Variants in IFT43 observed in about 807,000 individuals in gnomAD.
IFT43 encodes intraflagellar transport protein 43 homolog.
In IFT43, 33 loss-of-function variants were observed where a neutral mutation model predicts 32.3. That is an observed-to-expected ratio of 1.02 (90% confidence interval 0.77 to 1.37). The LOEUF (loss-of-function observed/expected upper bound fraction) is 1.37, where lower values mean the gene tolerates loss of function less well. IFT43 is among the 40% of genes most tolerant of loss of function. The probability of loss-of-function intolerance (pLI) is 0.00; values close to 1 mark genes in which losing one functional copy is unlikely to be tolerated. For synonymous variants in IFT43, 93 were observed against 98.2 expected, an observed-to-expected ratio of 0.95 and a Z score of 0.31; for missense variants, 274 against 265.9, an observed-to-expected ratio of 1.03 and a Z score of -0.21.
chr14:76,020,793 G>A (rs960826158), intron 2 of IFT43, among the ~76,000 whole-genome samples: 11 of 152,128 alleles, frequency 7.2e-5, no homozygotes, highest in African/African-American at 2.7e-4. Context: ...CCCAGGTGGT[G>A]TACATGGGTT....
chr14:76,014,070 TA>T, intron 2 of IFT43: 1 of 277,502 alleles, frequency 3.6e-6, no homozygotes, highest in Non-Finnish European at 7.4e-6. Context: ...AAGAGTACTC[TA>T]AGGACTGTAA....
In IFT43 at chr14:76,062,938, A is replaced by AAAAAAAAGAAAAAAG. The variant is rs1485146040; in HGVS notation, c.295+3568_295+3569insAAAAGAAAAAAGAAA. Among the ~76,000 whole-genome samples the AAAAAAAAGAAAAAAG allele has an allele frequency of 1.8e-3, 222 of 120,710 alleles. 1 individual carries two copies. Among genetic ancestry groups the AAAAAAAAGAAAAAAG allele is most frequent in the African/African-American group, 2.3e-3 (70 of 30,396 alleles). The allele number at this position is 120,710 out of a possible 152,430, so 79.2% of individuals were successfully genotyped here. A position where few individuals can be genotyped will look rare whatever the true frequency, so the allele number is the denominator to read the frequency against. ...ATCTCAAAAAAAAAAAAAAAAAAAA[A>AAAAAAAAGAAAAAAG]AAAGAAAATACATTAAGTCAAACCA... On this transcript the variant is annotated intron_variant, in intron 5 of 8. Coordinates refer to ENST00000314067, the MANE Select transcript of IFT43 (RefSeq NM_001102564.3).
chr14:76,073,321 T>C (rs1285905511), intron 5 of IFT43, among the ~76,000 whole-genome samples: 1 of 152,170 alleles, frequency 6.6e-6, no homozygotes, highest in African/African-American at 2.4e-5. Context: ...GACAGGCATG[T>C]TTGTGCATCT....
In IFT43 at chr14:76,082,722, C is replaced by T. The variant is rs370229407; in HGVS notation, c.444+30C>T. The T allele has an allele frequency of 1.9e-5, 29 of 1,489,798 alleles. No individual in the cohort carries two copies. In the African/African-American group the frequency reaches 2.3e-4, roughly 12 times the overall value. The allele number at this position is 1,489,798 out of a possible 1,614,324, so 92.3% of individuals were successfully genotyped here. A position where few individuals can be genotyped will look rare whatever the true frequency, so the allele number is the denominator to read the frequency against. ...GTGGAACAGCTTCTGCATAGAGAGG[C>T]GGGCTCCAAGCAATGGGCTTCAATC... On this transcript the variant is annotated intron_variant, in intron 7 of 8. Transcript: ENST00000314067.
chr14:76,008,299 A>G (rs1196273836), intron 2 of IFT43, among the ~76,000 whole-genome samples: 2 of 152,220 alleles, frequency 1.3e-5, no homozygotes, highest in Non-Finnish European at 2.9e-5. Flanking sequence ...ACACCTGGCC[A>G]CCAGAAACTT....
In IFT43 at chr14:76,022,348, C is replaced by A; in HGVS notation, c.169C>A (p.Arg57Ser). The A allele has an allele frequency of 6.2e-7, 1 of 1,613,540 alleles. No individual in the cohort carries two copies. Among genetic ancestry groups the A allele is most frequent in the Non-Finnish European group, 8.5e-7 (1 of 1,179,530 alleles). ...GTAGACTTCCTCTGCTAAATTACCT[C>A]GCTGCCGACAGGGAGGCTGGGCAGG... ...TGETSSAKLP[R>S]CRQGGWAGDS... is the part of the protein sequence containing the mutation. The change falls in exon 3 of 9, where the codon CGC becomes AGC. Residue 57 changes from arginine (R) to serine (S), a missense_variant. Coordinates refer to ENST00000314067, the MANE Select transcript of IFT43 (RefSeq NM_001102564.3).
chr14:76,083,819 A>G, downstream of IFT43: 1 of 653,910 alleles, frequency 1.5e-6, no homozygotes, highest in Non-Finnish European at 2.8e-6. Context: ...ACCAGCTGAT[A>G]GGAACTCAGA....
chr14:76,067,285 G>T (rs2037240432), intron 5 of IFT43, among the ~76,000 whole-genome samples: 1 of 152,192 alleles, frequency 6.6e-6, no homozygotes, highest in African/African-American at 2.4e-5. Flanking sequence ...TAGAAGAGAG[G>T]CCGGGTACAG....
At chr14:75,985,940 C>A in intron 1 of IFT43, 100 bp downstream of exon 1, 1 of 1,549,294 alleles carries the variant, frequency 6.5e-7, no homozygotes, top group Non-Finnish European at 8.7e-7. Flanking sequence ...GGGCGGCAGG[C>A]CTCGCGCCGC....
In IFT43 at chr14:76,017,443, C is replaced by T. The variant is rs183426785; in HGVS notation, c.148-4884C>T. On this transcript the variant is annotated intron_variant, in intron 2 of 8. Coordinates refer to ENST00000314067, the MANE Select transcript of IFT43 (RefSeq NM_001102564.3). ...TATCTTTTTGATGTGTTGTTGGATT[C>T]AGTTTGCTCGTATTTTGTTGGGGAT... Among the ~76,000 whole-genome samples, 6 of 152,160 alleles carry T rather than the reference C, an allele frequency of 3.9e-5. No homozygotes were observed. In the East Asian group the frequency reaches 1.2e-3, roughly 29 times the overall value.
chr14:76,017,670 T>C (rs2075480453), intron 2 of IFT43, among the ~76,000 whole-genome samples: 1 of 152,118 alleles, frequency 6.6e-6, no homozygotes, highest in South Asian at 2.1e-4. Flanking sequence ...ATAGTAAAGC[T>C]ATCTAGTCTT....
At chr14:76,029,998 A>G (rs1010911880) in intron 3 of IFT43, among the ~76,000 whole-genome samples, 1 of 151,758 alleles carries the variant, frequency 6.6e-6, no homozygotes, top group African/African-American at 2.4e-5. Flanking sequence ...CTCCTGCTTC[A>G]GCCTCCCCAG....
At chr14:76,079,439 G>A (rs1189624817) in intron 5 of IFT43, among the ~76,000 whole-genome samples, 1 of 152,146 alleles carries the variant, frequency 6.6e-6, no homozygotes, top group Non-Finnish European at 1.5e-5. Flanking sequence ...GTGGGCGTGA[G>A]TCTGATCTTC....
chr14:76,055,270 C>T (rs1233139165), intron 3 of IFT43, among the ~76,000 whole-genome samples: 1 of 151,320 alleles, frequency 6.6e-6, no homozygotes, highest in African/African-American at 2.4e-5. Flanking sequence ...AACATGAACT[C>T]AGGAGTTTGA....
At chr14:76,022,657 C>G (rs2036315979) in intron 3 of IFT43, 1 of 302,400 alleles carries the variant, frequency 3.3e-6, no homozygotes, top group Non-Finnish European at 6.1e-6. Context: ...CTTCCCATGT[C>G]CCCCCAACCT....
At chr14:76,042,203 C>A (rs1454709939) in intron 3 of IFT43, among the ~76,000 whole-genome samples, 2 of 151,796 alleles carry the variant, frequency 1.3e-5, no homozygotes, top group Non-Finnish European at 2.9e-5. Flanking sequence ...TCAAAACAAC[C>A]CTATGAAGTA....
At chr14:75,992,347 G>A (rs865973369) in intron 2 of IFT43, among the ~76,000 whole-genome samples, 2 of 152,164 alleles carry the variant, frequency 1.3e-5, no homozygotes, top group Non-Finnish European at 2.9e-5. Context: ...TTAATAAACT[G>A]AAAAGCACTG....
At chr14:75,986,649 T>C (rs2035535678) in intron 1 of IFT43, among the ~76,000 whole-genome samples, 1 of 152,202 alleles carries the variant, frequency 6.6e-6, no homozygotes, top group Non-Finnish European at 1.5e-5. Context: ...CCCAGCGTTA[T>C]AGTTAGTAAA....
At chr14:76,049,696 C>A (rs1230986641) in intron 3 of IFT43, among the ~76,000 whole-genome samples, 1 of 142,930 alleles carries the variant, frequency 7.0e-6, no homozygotes, top group Non-Finnish European at 1.5e-5. Flanking sequence ...CCACCCCCAA[C>A]CCCCTTCTTT....
Sources: allele counts gnomAD v4.1 joint callset (sites outside exome capture counted in the v4.1 genomes callset), GRCh38; gene constraint gnomAD v4.1.1; transcripts MANE v1.5; gene names NCBI Gene and HGNC (gene_info 2026-07-23, HGNC 2026-07-21).